CCDC60: variants seen among roughly 807,000 people sequenced by gnomAD.
CCDC60 encodes the protein coiled-coil domain-containing protein 60.
A neutral mutation model predicts 63.5 loss-of-function variants in CCDC60; 54 were observed. That is an observed-to-expected ratio of 0.85 (90% CI 0.68 to 1.07). The LOEUF (loss-of-function observed/expected upper bound fraction) is 1.07, where lower values mean the gene tolerates loss of function less well. CCDC60 is among the 50% of genes least tolerant of loss of function. CCDC60 has a pLI of 0.00. For synonymous variants in CCDC60, 206 were observed against 238.8 expected, an observed-to-expected ratio of 0.86 and a Z score of 1.27; for missense variants, 651 against 684.3, an observed-to-expected ratio of 0.95 and a Z score of 0.54.
At chr12:119,393,925 C>T (rs1260136568) in intron 1 of CCDC60, among the ~76,000 whole-genome samples, 4 of 152,312 alleles carry the variant, frequency 2.6e-5, no homozygotes, top group East Asian at 1.9e-4. Flanking sequence ...CACGTACACA[C>T]GCCATGTTTG....
rs530285664 is a variant in CCDC60 at position 119,428,907 on chromosome 12, G to A, written c.170+145G>A. On this transcript the variant is annotated intron_variant, in intron 2 of 13. Coordinates refer to ENST00000327554, the MANE Select transcript of CCDC60 (RefSeq NM_178499.5). ...AAGACTTACAGGAGGGTAACCCTGGGAGGAGCAGAGGGCAGGATCGCTTTC... is the reference window on the plus strand; with the variant it reads ...AAGACTTACAGGAGGGTAACCCTGGAAGGAGCAGAGGGCAGGATCGCTTTC... The A allele has an allele frequency of 3.5e-5, 20 of 566,108 alleles. No homozygotes were observed. In the South Asian group the frequency reaches 3.7e-4, roughly 11 times the overall value. 35.1% of individuals were successfully genotyped at this position (566,108 alleles called of 1,614,324 possible).
rs1014386564 is a variant in CCDC60 at position 119,420,172 on chromosome 12, G to A, written c.91-8511G>A. The stretch of plus-strand genomic sequence containing the variant: ...ATTACAGGTATAAGCCACCATGCCC[G>A]GCCTGTTAAGTAATTCTATAGTATA... On this transcript the variant is annotated intron_variant, in intron 1 of 13. Transcript: ENST00000327554. The surrounding 1 kb of genome is among the most constrained non-coding windows in gnomAD (Gnocchi z 4.1). 3.3e-5 allele frequency among the ~76,000 whole-genome samples: 5 copies of A among 152,010 alleles called. No homozygotes were observed. The highest frequency in any genetic ancestry group is 2.1e-4 in the South Asian group (1 of 4,810).
intron 1 of CCDC60, among the ~76,000 whole-genome samples, chr12:119,391,686 G>A (rs558305327): frequency 8.5e-5 from 13 of 152,390 alleles, no homozygotes; most frequent in Admixed American, 4.6e-4. Context: ...GAGAGCTATC[G>A]TTAGCGCTGT....
intron 10 of CCDC60, 119 bp downstream of exon 10, chr12:119,523,120 G>T: frequency 2.2e-6 from 2 of 904,218 alleles, no homozygotes. Context: ...AGCCGTAGAT[G>T]ATGCTGAAGG....
At position 119,519,652 on chromosome 12, in the gene CCDC60, A is replaced by G. The variant is rs188853632; in HGVS notation, c.969-469A>G. Among the ~76,000 whole-genome samples the G allele has an allele frequency of 8.6e-5, 13 of 151,796 alleles. No individual in the cohort carries two copies. The East Asian group carries it at 2.1e-3, about 25-fold the overall frequency. On this transcript the variant is annotated intron_variant, in intron 8 of 13. Transcript: ENST00000327554. ...TAATTTTTATATTTTTAGTAGAGAC[A>G]GGGTTTTGCAATGTTGGCCAGGCTG... is the stretch of plus-strand genomic sequence containing the variant.
chr12:119,506,049 T>C (rs776436863), intron 7 of CCDC60, among the ~76,000 whole-genome samples: 1 of 152,196 alleles, frequency 6.6e-6, no homozygotes, highest in Non-Finnish European at 1.5e-5. Context: ...TTATTTTAAA[T>C]GTGCAATTCA....
chr12:119,520,080 T>G (rs757653567), intron 8 of CCDC60, 41 bp from the exon 9 acceptor site: 19 of 1,579,278 alleles, frequency 1.2e-5, no homozygotes, highest in Non-Finnish European at 1.6e-5. Flanking sequence ...AAAATCTTCA[T>G]GAATTCAGCG....
chr12:119,353,579 CCTT>C (rs1249166643), intron 1 of CCDC60, among the ~76,000 whole-genome samples: 4,046 of 133,364 alleles, frequency 0.03, 137 homozygotes, highest in Non-Finnish European at 0.037. Flanking sequence ...TCCCCTCTCT[CCTT>C]CTTCTTCTTC....
At chr12:119,446,982 G>A (rs1950555323) in intron 2 of CCDC60, among the ~76,000 whole-genome samples, 1 of 152,142 alleles carries the variant, frequency 6.6e-6, no homozygotes, top group South Asian at 2.1e-4. Flanking sequence ...CTAGGATTGA[G>A]GTAAGGTCAT....
intron 1 of CCDC60, among the ~76,000 whole-genome samples, chr12:119,375,460 C>G (rs749007805): frequency 1.3e-5 from 2 of 152,194 alleles, no homozygotes; most frequent in Non-Finnish European, 2.9e-5. Flanking sequence ...CCGCACTGGA[C>G]TTGAAAGATC....
At chr12:119,516,204 C>A (rs1952349348) in intron 7 of CCDC60, among the ~76,000 whole-genome samples, 1 of 152,090 alleles carries the variant, frequency 6.6e-6, no homozygotes, top group African/African-American at 2.4e-5. Context: ...CTCTCAGGTT[C>A]AAGCAATTTT....
rs1306294117 is a variant in CCDC60 at position 119,488,678 on chromosome 12, C to A, written c.450-81C>A. The stretch of plus-strand genomic sequence containing the variant: ...CTGCTCCCTCACTGGGAGCAAGTAC[C>A]ACTACTATTTCTGTGGCTATTTTTG... On this transcript the variant is annotated intron_variant, in intron 4 of 13. Transcript: ENST00000327554. 2.6e-6 allele frequency: 3 copies of A among 1,171,082 alleles called. No individual in the cohort carries two copies. The African/African-American group carries it at 4.6e-5, about 18-fold the overall frequency. The allele number at this position is 1,171,082 out of a possible 1,614,324, so 72.5% of individuals were successfully genotyped here.
intron 11 of CCDC60, among the ~76,000 whole-genome samples, chr12:119,527,834 G>A (rs1035996436): frequency 7.9e-5 from 12 of 151,346 alleles, no homozygotes; most frequent in Non-Finnish European, 1.0e-4. Context: ...CCGCCACCAC[G>A]CCCGGCTAAT....
At chr12:119,450,179 C>A (rs784842) in intron 2 of CCDC60, among the ~76,000 whole-genome samples, 67,543 of 144,374 alleles carry the variant, frequency 0.47, 15,357 homozygotes, top group South Asian at 0.67. Flanking sequence ...TGAATTATTG[C>A]GTGTTCTTAT....
chr12:119,506,869 C>T (rs1952021415), intron 7 of CCDC60, among the ~76,000 whole-genome samples: 1 of 151,778 alleles, frequency 6.6e-6, no homozygotes, highest in Admixed American at 6.6e-5. Context: ...ATAGGAAAAG[C>T]AAGAGAAGGA....
chr12:119,437,483 A>G (rs1950348686), intron 2 of CCDC60, among the ~76,000 whole-genome samples: 1 of 152,208 alleles, frequency 6.6e-6, no homozygotes, highest in Admixed American at 6.5e-5. Context: ...GGAAACTTTG[A>G]TATCTATAGT....
chr12:119,472,158 T>C lies in CCDC60; in HGVS notation c.335T>C (p.Leu112Ser). Residue 112 changes from leucine (L) to serine (S), a missense_variant, in exon 3 of 14, where the codon TTA (leucine) becomes TCA (serine). Leu to Ser is a moderately radical substitution (Grantham distance 145). Transcript: ENST00000327554. Reference sequence around the variant, plus strand: ...TCAGAAATCCACTATGGGGACACCTTATTGAGGTAAGTGGATGCAGTAGCT... The same window carrying C: ...TCAGAAATCCACTATGGGGACACCTCATTGAGGTAAGTGGATGCAGTAGCT... ...KISEIHYGDT[L>S]LSTYDDEKLK... 6.2e-7 allele frequency: 1 copy of C among 1,613,770 alleles called. No individual in the cohort carries two copies. Among genetic ancestry groups the C allele is most frequent in the Non-Finnish European group, 8.5e-7 (1 of 1,179,866 alleles).
intron 2 of CCDC60, among the ~76,000 whole-genome samples, chr12:119,432,823 T>C (rs550382250): frequency 5.0e-4 from 76 of 152,346 alleles, no homozygotes; most frequent in Non-Finnish European, 8.8e-4. Context: ...TAAACACAGC[T>C]ATTATTAGAA....
At chr12:119,390,477 G>T (rs1220683971) in intron 1 of CCDC60, among the ~76,000 whole-genome samples, 1 of 152,156 alleles carries the variant, frequency 6.6e-6, no homozygotes, top group Non-Finnish European at 1.5e-5. Context: ...GACATTTAGT[G>T]GATAATCAAT....
Sources: allele counts gnomAD v4.1 joint callset (sites outside exome capture counted in the v4.1 genomes callset), GRCh38; gene constraint gnomAD v4.1.1; non-coding constraint Gnocchi (gnomAD v3.1); transcripts MANE v1.5; gene names NCBI Gene and HGNC (gene_info 2026-07-23, HGNC 2026-07-21).